The following BDNF variants were observed in gnomAD, a reference collection of about 807,000 sequenced individuals.
BDNF encodes the protein neurotrophic factor BDNF precursor form.
BDNF carries 1 observed loss-of-function variant against 19.5 expected under a neutral mutation model. The ratio of observed to expected loss-of-function variants is 0.05; its 90% CI spans 0.02 to 0.24. The LOEUF is 0.24. Among genes scored for constraint, BDNF ranks in the 10% least tolerant of loss-of-function variants. The pLI, the probability that BDNF is intolerant of heterozygous loss-of-function variation, is 1.00. For synonymous variants in BDNF, 100 were observed against 121.6 expected, an observed-to-expected ratio of 0.82 and a Z score of 1.17; for missense variants, 195 against 317.6, an observed-to-expected ratio of 0.61 and a Z score of 2.93.
At chr11:27,659,973 G>A (rs1853198824) in intron 1 of BDNF, among the ~76,000 whole-genome samples, 1 of 152,202 alleles carries the variant, frequency 6.6e-6, no homozygotes, top group African/African-American at 2.4e-5. Context: ...GAAGCATTGT[G>A]TTTCTCAGCA....
At chr11:27,692,692 G>C (rs1590410100) in intron 1 of BDNF, among the ~76,000 whole-genome samples, 1 of 152,066 alleles carries the variant, frequency 6.6e-6, no homozygotes, top group South Asian at 2.1e-4. Flanking sequence ...TGTATGCAGT[G>C]AGCATTCAAT....
Position 27,655,472 on chromosome 11 carries a change from G to A in BDNF, c.*2349C>T, listed in dbSNP as rs537972048. On this transcript the variant is annotated 3_prime_UTR_variant, in exon 2 of 2. Transcript: ENST00000356660. ...TTGTTTTAAATTTGTCCCTCAAAAG[G>A]AAGCTGCATAAAGTTGACATACAGC... 6 of 152,242 alleles carry A rather than the reference G, an allele frequency of 3.9e-5. No individual in the cohort carries two copies. In the South Asian group the frequency reaches 1.2e-3, roughly 32 times the overall value. The allele number at this position is 152,242 out of a possible 1,614,324, so 9.4% of individuals were successfully genotyped here.
At chr11:27,667,067 T>A (rs1171479701) in intron 1 of BDNF, among the ~76,000 whole-genome samples, 1 of 152,202 alleles carries the variant, frequency 6.6e-6, no homozygotes, top group African/African-American at 2.4e-5. Context: ...TAACAGCATC[T>A]TTCGGCAGAA....
In BDNF at chr11:27,658,243, AGAG is replaced by A; in HGVS notation, c.319_321del (p.Leu107del). 3.1e-6 allele frequency: 5 copies of A among 1,613,966 alleles called. No individual in the cohort carries two copies. The highest frequency in any genetic ancestry group is 4.2e-6 in the Non-Finnish European group (5 of 1,180,018). On this transcript the variant is annotated inframe_deletion, in exon 2 of 2. Coordinates refer to ENST00000356660, the MANE Select transcript of BDNF (RefSeq NM_001709.5). The surrounding 1 kb of genome is among the most constrained non-coding windows in gnomAD (Gnocchi z 5.7). ...TAATTTTTGTATTCCTCCAGCAGAA[AGAG>A]AAGAGGAGGCTCCAAAGGCACTTGA...
chr11:27,693,362 C>T (rs1287035691), intron 1 of BDNF, among the ~76,000 whole-genome samples: 2 of 152,174 alleles, frequency 1.3e-5, no homozygotes, highest in African/African-American at 4.8e-5. Context: ...TCCCCTAAAA[C>T]CGTGCCCGCA....
At chr11:27,667,612 G>GC (rs1398160634) in intron 1 of BDNF, among the ~76,000 whole-genome samples, 1 of 152,124 alleles carries the variant, frequency 6.6e-6, no homozygotes, top group African/African-American at 2.4e-5. Flanking sequence ...AGCAGGAGTT[G>GC]CAATCCTAGT....
intron 1 of BDNF, among the ~76,000 whole-genome samples, chr11:27,694,336 C>T (rs1228175605): frequency 1.3e-5 from 2 of 152,064 alleles, no homozygotes; most frequent in African/African-American, 4.8e-5. Context: ...ATTATTAAAC[C>T]TTTTCCTCCA....
chr11:27,715,052 C>G (rs899780764), intron 1 of BDNF, among the ~76,000 whole-genome samples: 1 of 152,122 alleles, frequency 6.6e-6, no homozygotes, highest in African/African-American at 2.4e-5. Flanking sequence ...TTTGGTCTTG[C>G]TTGTTCTTGA....
chr11:27,665,838 G>T (rs912684679), intron 1 of BDNF, among the ~76,000 whole-genome samples: 1 of 152,172 alleles, frequency 6.6e-6, no homozygotes, highest in Non-Finnish European at 1.5e-5. Context: ...TCCACCTCTA[G>T]GGGCAGGGCA....
At chr11:27,719,998 A>C (rs1860687151) in intron 1 of BDNF, among the ~76,000 whole-genome samples, 1 of 152,112 alleles carries the variant, frequency 6.6e-6, no homozygotes, top group African/African-American at 2.4e-5. Context: ...CTTCATAATT[A>C]GTAATGAATC....
chr11:27,671,316 AAAG>A (rs1248854621), intron 1 of BDNF, among the ~76,000 whole-genome samples: 2 of 152,118 alleles, frequency 1.3e-5, no homozygotes, highest in African/African-American at 4.8e-5. Context: ...TTAAAAAAAA[AAAG>A]AACCTGGAGA....
chr11:27,661,784 G>C (rs963440936), intron 1 of BDNF, among the ~76,000 whole-genome samples: 1 of 152,064 alleles, frequency 6.6e-6, no homozygotes, highest in East Asian at 1.9e-4. Context: ...AGAGTCCTTG[G>C]AGTGCCGTAC....
chr11:27,714,914 T>G (rs1258426734), intron 1 of BDNF, among the ~76,000 whole-genome samples: 1 of 152,142 alleles, frequency 6.6e-6, no homozygotes, highest in African/African-American at 2.4e-5. Context: ...GCTTTTAATC[T>G]TATTCACTGT....
In BDNF at chr11:27,656,453, C is replaced by T. The variant is rs755457172; in HGVS notation, c.*1368G>A. On this transcript the variant is annotated 3_prime_UTR_variant, in exon 2 of 2. Transcript: ENST00000356660. ...CCAAGCAGCTTGACACATGTCATTC[C>T]AGAGCCACCTCTGAAGGGTCCTTCA... 230 of 816,152 alleles carry T rather than the reference C, an allele frequency of 2.8e-4. No individual in the cohort carries two copies. The highest frequency in any genetic ancestry group is 3.3e-4 in the Non-Finnish European group (221 of 675,556). 50.6% of individuals were successfully genotyped at this position (816,152 alleles called of 1,614,324 possible).
chr11:27,700,424 G>A lies in BDNF; in HGVS notation c.-282C>T, dbSNP rs1331321825. The A allele has an allele frequency of 1.0e-6, 1 of 985,470 alleles. No individual in the cohort carries two copies. Among genetic ancestry groups the A allele is most frequent in the Non-Finnish European group, 1.2e-6 (1 of 829,950 alleles). 61.0% of individuals were successfully genotyped at this position (985,470 alleles called of 1,614,324 possible). ...GGCGGGTGCGCCCGGGCGCGGCGGCGGCAGCGTCGGGGACCCGGAGCTCCA... is the reference window on the plus strand; with the variant it reads ...GGCGGGTGCGCCCGGGCGCGGCGGCAGCAGCGTCGGGGACCCGGAGCTCCA... On this transcript the variant is annotated 5_prime_UTR_variant, in exon 1 of 2. Coordinates refer to ENST00000356660, the MANE Select transcript of BDNF (RefSeq NM_001709.5).
At chr11:27,662,008 T>C (rs1371522500) in intron 1 of BDNF, among the ~76,000 whole-genome samples, 1 of 152,050 alleles carries the variant, frequency 6.6e-6, no homozygotes, top group East Asian at 1.9e-4. Context: ...TTGTTTTGTT[T>C]TGTTTTTTTC....
At chr11:27,686,080 T>A (rs570911507) in intron 1 of BDNF, among the ~76,000 whole-genome samples, 1 of 152,358 alleles carries the variant, frequency 6.6e-6, no homozygotes, top group African/African-American at 2.4e-5. Context: ...TGGGTGCTCC[T>A]GTATTGGGTG....
chr11:27,667,397 G>C lies in BDNF; in HGVS notation c.-21-8812C>G, dbSNP rs183918887. Among the ~76,000 whole-genome samples, 350 of 152,310 alleles carry C rather than the reference G, an allele frequency of 2.3e-3. 9 individuals carry two copies. Among genetic ancestry groups the C allele is most frequent in the Admixed American group, 0.019 (297 of 15,290 alleles). On this transcript the variant is annotated intron_variant, in intron 1 of 1. Transcript: ENST00000356660. ...TAACCAGCTAACATCATAATGACAG[G>C]ATCAAATTCACACATAACAATATTA...
intron 1 of BDNF, among the ~76,000 whole-genome samples, chr11:27,662,666 A>G (rs941619813): frequency 7.9e-5 from 12 of 152,176 alleles, no homozygotes; most frequent in Admixed American, 7.9e-4. Context: ...GGAGCACACA[A>G]CCTAGATCCC....
Sources: gnomAD v4.1 joint callset for allele counts (sites outside exome capture counted in the v4.1 genomes callset) on GRCh38, gnomAD v4.1.1 for gene constraint, Gnocchi (gnomAD v3.1) non-coding constraint, MANE v1.5 for transcripts, NCBI Gene and HGNC (gene_info 2026-07-23, HGNC 2026-07-21) for gene names.